Variants in MYBL1 observed in about 807,000 individuals in gnomAD.
MYBL1 encodes the protein MYB proto-oncogene like 1, also known as myb-related protein A.
MYBL1 carries 17 observed loss-of-function variants against 96.3 expected under a neutral mutation model. The ratio of observed to expected loss-of-function variants is 0.18; its 90% CI spans 0.12 to 0.26. The LOEUF (loss-of-function observed/expected upper bound fraction) is 0.26, where lower values mean the gene tolerates loss of function less well. MYBL1 is among the 10% of genes least tolerant of loss of function. The pLI, the probability that MYBL1 is intolerant of heterozygous loss-of-function variation, is 1.00. For missense variants in MYBL1, 701 were observed against 882.9 expected (o/e 0.79, Z 2.61); for synonymous variants, 282 against 292.7 (o/e 0.96, Z 0.37).
chr8:66,593,161 T>G lies in MYBL1; in HGVS notation c.721A>C (p.Asn241His). The G allele has an allele frequency of 6.3e-7, 1 of 1,589,232 alleles. No individual in the cohort carries two copies. Among genetic ancestry groups the G allele is most frequent in the Non-Finnish European group, 8.6e-7 (1 of 1,165,456 alleles). Residue 241 changes from asparagine (N) to histidine (H), a missense_variant, in exon 7 of 16, where the codon AAT becomes CAT. This residue lies in a region of MYBL1 where 396 missense variants were observed against 407.4 expected (regional missense o/e 0.97). Coordinates refer to ENST00000522677, the MANE Select transcript of MYBL1 (RefSeq NM_001080416.4). ...PGYQYVSPEG[N>H]CIEHVQPTSA... is the part of the protein sequence containing the mutation. ...GTAGGCTGAACATGTTCTATACAAT[T>G]GCCTTCAGGTGACACATACTGATAC... is the stretch of plus-strand genomic sequence containing the variant.
chr8:66,595,577 ATGTG>A lies in MYBL1; in HGVS notation c.687+2_687+5del. 6.7e-7 allele frequency: 1 copy of A among 1,495,414 alleles called. No homozygotes were observed. The highest frequency in any genetic ancestry group is 1.4e-5 in the South Asian group (1 of 71,506). The allele number at this position is 1,495,414 out of a possible 1,614,324, so 92.6% of individuals were successfully genotyped here. ...TTTAAATAATAAAGGTATTAAAAGT[ATGTG>A]CCTGAACAGGTATGTAAAACTGATT... On this transcript the variant is annotated splice_donor_variant and splice_donor_5th_base_variant and intron_variant, in intron 6 of 15. Transcript: ENST00000522677. LOFTEE classifies it high-confidence loss of function.
intron 8 of MYBL1, among the ~76,000 whole-genome samples, chr8:66,591,164 C>A (rs994843857): frequency 1.3e-5 from 2 of 151,926 alleles, no homozygotes; most frequent in Non-Finnish European, 2.9e-5. Flanking sequence ...CTGGCTAACA[C>A]GGTGAAACCT....
At chr8:66,597,860 A>T (rs575847569) in intron 4 of MYBL1, among the ~76,000 whole-genome samples, 1 of 150,554 alleles carries the variant, frequency 6.6e-6, no homozygotes, top group East Asian at 1.9e-4. Flanking sequence ...AAAAAAAAAA[A>T]AAAAAAAAAA....
In MYBL1 at chr8:66,613,150, C is replaced by T. The variant is rs1240008633; in HGVS notation, c.-312G>A. On this transcript the variant is annotated 5_prime_UTR_variant, in exon 1 of 16. Coordinates refer to ENST00000522677, the MANE Select transcript of MYBL1 (RefSeq NM_001080416.4). Reference sequence around the variant, plus strand: ...TCCCGCCGCTTGTCAGCCTCCCTGCCCTGGCCCCAGCCCGGCTCCGCCACA... The same window carrying T: ...TCCCGCCGCTTGTCAGCCTCCCTGCTCTGGCCCCAGCCCGGCTCCGCCACA... 1.5e-5 allele frequency: 6 copies of T among 401,718 alleles called. No individual in the cohort carries two copies. The highest frequency in any genetic ancestry group is 2.2e-5 in the Non-Finnish European group (5 of 227,368). The allele number at this position is 401,718 out of a possible 1,614,324, so 24.9% of individuals were successfully genotyped here.
At chr8:66,601,009 A>G (rs1586595033) in intron 3 of MYBL1, among the ~76,000 whole-genome samples, 1 of 146,598 alleles carries the variant, frequency 6.8e-6, no homozygotes, top group East Asian at 2.0e-4. Context: ...CGTCTCTACT[A>G]AAAAAAAAAT....
chr8:66,569,746 T>G (rs1328098340), intron 12 of MYBL1, among the ~76,000 whole-genome samples: 1 of 152,242 alleles, frequency 6.6e-6, no homozygotes, highest in African/African-American at 2.4e-5. Flanking sequence ...TAAGACAGAT[T>G]AATTCATTCA....
chr8:66,566,352 G>T, intron 14 of MYBL1, 109 bp from the exon 15 acceptor site: 1 of 619,124 alleles, frequency 1.6e-6, no homozygotes. Flanking sequence ...CTCCAAGAAA[G>T]CATTTGGCTC....
At chr8:66,585,081 G>A (rs1393759820) in intron 8 of MYBL1, among the ~76,000 whole-genome samples, 1 of 150,534 alleles carries the variant, frequency 6.6e-6, no homozygotes, top group African/African-American at 2.5e-5. Context: ...AAGTAATCCT[G>A]AGCAAAAAAA....
At chr8:66,599,195 G>C in intron 3 of MYBL1, 53 bp from the exon 4 acceptor site, 1 of 1,283,740 alleles carries the variant, frequency 7.8e-7, no homozygotes, top group Non-Finnish European at 1.1e-6. Flanking sequence ...CAGAAAGCAA[G>C]TCAGCCCGAA....
chr8:66,571,575 A>G (rs1372168651), intron 12 of MYBL1, among the ~76,000 whole-genome samples: 2 of 152,194 alleles, frequency 1.3e-5, no homozygotes, highest in Non-Finnish European at 2.9e-5. Context: ...TAAAATGTAT[A>G]TTTCAGTATT....
At chr8:66,581,182 A>G (rs1048687304) in intron 8 of MYBL1, among the ~76,000 whole-genome samples, 1 of 152,048 alleles carries the variant, frequency 6.6e-6, no homozygotes, top group Admixed American at 6.6e-5. Context: ...CTGATTATAC[A>G]CTTTTATCTG....
At chr8:66,593,398 G>GT (rs1563544282) in intron 6 of MYBL1, among the ~76,000 whole-genome samples, 1 of 152,042 alleles carries the variant, frequency 6.6e-6, no homozygotes, top group Non-Finnish European at 1.5e-5. Context: ...ATTAAAAGTC[G>GT]TAACACTTAG....
chr8:66,578,440 C>T (rs997532063), intron 9 of MYBL1, among the ~76,000 whole-genome samples: 1 of 152,198 alleles, frequency 6.6e-6, no homozygotes, highest in African/African-American at 2.4e-5. Context: ...AGACACTTCT[C>T]AAAAGAAGAC....
intron 6 of MYBL1, among the ~76,000 whole-genome samples, chr8:66,594,087 G>C (rs1254126333): frequency 1.3e-5 from 2 of 151,884 alleles, no homozygotes; most frequent in African/African-American, 4.8e-5. Context: ...AGCGAGCTGT[G>C]TGCGCACCAC....
At position 66,612,697 on chromosome 8, in the gene MYBL1, C is replaced by A. The variant is rs528486939; in HGVS notation, c.20+122G>T. The A allele has an allele frequency of 4.9e-4, 582 of 1,188,740 alleles. 6 individuals carry two copies. In the African/African-American group the frequency reaches 6.5e-3, roughly 13 times the overall value. The allele number at this position is 1,188,740 out of a possible 1,614,324, so 73.6% of individuals were successfully genotyped here. A position where few individuals can be genotyped will look rare whatever the true frequency, so the allele number is the denominator to read the frequency against. On this transcript the variant is annotated intron_variant, in intron 1 of 15. Transcript: ENST00000522677. Reference sequence around the variant, plus strand: ...TCGAGGCCAAGCGGCCGCGGGGACGCGGGAAGAAAAACCTCTGCCCTCGCC... The same window carrying A: ...TCGAGGCCAAGCGGCCGCGGGGACGAGGGAAGAAAAACCTCTGCCCTCGCC...
Position 66,572,517 on chromosome 8 carries a change from C to A in MYBL1, c.1693G>T (p.Ala565Ser), listed in dbSNP as rs777095803. 13 of 1,600,686 alleles carry A rather than the reference C, an allele frequency of 8.1e-6. No individual in the cohort carries two copies. In the South Asian group the frequency reaches 1.5e-4, roughly 18 times the overall value. Residue 565 changes from alanine to serine, a missense_variant, in exon 12 of 16, where the codon GCT becomes TCT. Ala to Ser is a moderately conservative substitution (Grantham distance 99). Around this residue, in one of 5 missense-constraint regions of MYBL1, gnomAD observed 63 missense variants for 109.2 expected, o/e 0.58. Coordinates refer to ENST00000522677, the MANE Select transcript of MYBL1 (RefSeq NM_001080416.4). ...AGAGGTCCATATTTTTTCTCCTGAGCAGCAAGCGCATTCTTAAAAGGAGTA... is the reference window on the plus strand; with the variant it reads ...AGAGGTCCATATTTTTTCTCCTGAGAAGCAAGCGCATTCTTAAAAGGAGTA... ...TPTPFKNALA[A>S]QEKKYGPLKI...
chr8:66,573,968 TG>T (rs772868315), intron 10 of MYBL1, among the ~76,000 whole-genome samples: 5 of 147,298 alleles, frequency 3.4e-5, no homozygotes, highest in Non-Finnish European at 7.4e-5. Context: ...ATAATAATAA[TG>T]CTTTGCTGAT....
chr8:66,597,107 A>G (rs568351843), intron 5 of MYBL1, among the ~76,000 whole-genome samples: 248 of 152,278 alleles, frequency 1.6e-3, no homozygotes, highest in African/African-American at 5.8e-3. Flanking sequence ...CTATCATTTT[A>G]TTGTACAAAT....
At chr8:66,599,582 C>T (rs1470260323) in intron 3 of MYBL1, among the ~76,000 whole-genome samples, 2 of 152,126 alleles carry the variant, frequency 1.3e-5, no homozygotes, top group African/African-American at 4.8e-5. Context: ...GGGTGGATCA[C>T]CTGAGGTCTG....
Sources: allele counts gnomAD v4.1 joint callset (sites outside exome capture counted in the v4.1 genomes callset), GRCh38; gene constraint gnomAD v4.1.1; regional missense constraint gnomAD v4.1.1; transcripts MANE v1.5; gene names NCBI Gene and HGNC (gene_info 2026-07-23, HGNC 2026-07-21).